CRACD: variants seen among roughly 807,000 people sequenced by gnomAD.
CRACD encodes the protein capping protein-inhibiting regulator of actin dynamics.
CRACD carries 56 observed loss-of-function variants against 106.8 expected under a neutral mutation model. The observed-to-expected ratio is 0.52, with a 90% CI of 0.42 to 0.66. The LOEUF (loss-of-function observed/expected upper bound fraction) is 0.66. Ranked by LOEUF, CRACD falls within the 30% of genes least tolerant of loss-of-function variation. The pLI is 0.00. For synonymous variants in CRACD, 754 were observed against 670.8 expected, an observed-to-expected ratio of 1.12 and a Z score of -1.92; for missense variants, 1,730 against 1,623.2, an observed-to-expected ratio of 1.07 and a Z score of -1.13.
At chr4:56,282,523 A>T (rs1244699683) in intron 3 of CRACD, among the ~76,000 whole-genome samples, 1 of 152,236 alleles carries the variant, frequency 6.6e-6, no homozygotes, top group Non-Finnish European at 1.5e-5. Context: ...AACTACTAGC[A>T]TCTTCAACAG....
intron 8 of CRACD, among the ~76,000 whole-genome samples, chr4:56,317,995 A>G (rs59161426): frequency 0.05 from 7,586 of 152,202 alleles, 307 homozygotes; most frequent in East Asian, 0.2. Context: ...CACATTTCCC[A>G]GAGAAATTGT....
At position 56,315,365 on chromosome 4, in the gene CRACD, C is replaced by T. The variant is rs1319950850; in HGVS notation, c.1863C>T (p.Leu621=). ...SQIKDTACKS[L]LGLEEKKHAE... is the part of the protein sequence containing the mutation. Reference sequence around the variant, plus strand: ...TCAAGGACACCGCGTGCAAGTCCCTCCTGGGCTTGGAGGAGAAGAAGCACG... The same window carrying T: ...TCAAGGACACCGCGTGCAAGTCCCTTCTGGGCTTGGAGGAGAAGAAGCACG... The change falls in exon 8 of 11, where the codon CTC becomes CTT. Residue 621 remains leucine (L), a synonymous_variant. Transcript: ENST00000682029. This position sits in a 1 kb window ranked among gnomAD's most constrained non-coding sequence, Gnocchi z 4.1. 6.8e-6 allele frequency: 11 copies of T among 1,613,496 alleles called. No individual in the cohort carries two copies. The highest frequency in any genetic ancestry group is 2.7e-5 in the African/African-American group (2 of 74,926).
chr4:56,227,803 A>G (rs1739386263), intron 2 of CRACD, among the ~76,000 whole-genome samples: 1 of 152,214 alleles, frequency 6.6e-6, no homozygotes, highest in South Asian at 2.1e-4. Flanking sequence ...CAAGTGTGTT[A>G]TATCTGGCAA....
chr4:56,160,579 A>G (rs887972912), intron 1 of CRACD, among the ~76,000 whole-genome samples: 7 of 152,332 alleles, frequency 4.6e-5, no homozygotes, highest in East Asian at 1.9e-4. Flanking sequence ...TGCATGATGG[A>G]TCATTAAGGC....
At chr4:56,194,247 A>G (rs1222970790) in intron 2 of CRACD, among the ~76,000 whole-genome samples, 1 of 152,200 alleles carries the variant, frequency 6.6e-6, no homozygotes, top group Non-Finnish European at 1.5e-5. Context: ...GGAAATTTCA[A>G]TCAGAAGCAA....
intron 8 of CRACD, among the ~76,000 whole-genome samples, chr4:56,319,750 G>A (rs1025123723): frequency 1.2e-4 from 19 of 152,142 alleles, no homozygotes; most frequent in African/African-American, 4.3e-4. Context: ...GGAGACCAGT[G>A]CTTTATAAAG....
intron 2 of CRACD, among the ~76,000 whole-genome samples, chr4:56,200,752 A>G (rs9312670): frequency 0.8 from 121,574 of 152,154 alleles, 49,413 homozygotes; most frequent in African/African-American, 0.95. Context: ...AAAGTGTAGA[A>G]AGTTCGCCTA....
chr4:56,153,246 T>G (rs901287340), intron 1 of CRACD, among the ~76,000 whole-genome samples: 1 of 152,150 alleles, frequency 6.6e-6, no homozygotes. Context: ...ACCACTGCAC[T>G]CCAGCCTGGG....
chr4:56,320,946 G>T, intron 8 of CRACD: 1 of 189,282 alleles, frequency 5.3e-6, no homozygotes. Context: ...ATATAAACCA[G>T]ATCTGAATTC....
At chr4:56,086,283 T>G (rs1314015926) in intron 1 of CRACD, among the ~76,000 whole-genome samples, 1 of 152,118 alleles carries the variant, frequency 6.6e-6, no homozygotes, top group Non-Finnish European at 1.5e-5. Flanking sequence ...TAGTGTTTGT[T>G]TGTTTGTTTG....
At position 56,118,739 on chromosome 4, in the gene CRACD, A is replaced by G. The variant is rs543383642; in HGVS notation, c.-335-60545A>G. Among the ~76,000 whole-genome samples, 3 of 142,528 alleles carry G rather than the reference A, an allele frequency of 2.1e-5. No individual in the cohort carries two copies. In the South Asian group the frequency reaches 7.0e-4, roughly 33 times the overall value. 93.5% of individuals were successfully genotyped at this position (142,528 alleles called of 152,430 possible). A position where few individuals can be genotyped will look rare whatever the true frequency, so the allele number is the denominator to read the frequency against. On this transcript the variant is annotated intron_variant, in intron 1 of 10. Transcript: ENST00000682029. Reference sequence around the variant, plus strand: ...CAGTAAGACCCTTTGTCTAAAATATATATAAAATAAAATAAAAATAAAGTA... The same window carrying G: ...CAGTAAGACCCTTTGTCTAAAATATGTATAAAATAAAATAAAAATAAAGTA...
chr4:56,211,815 G>A (rs1398524403), intron 2 of CRACD, among the ~76,000 whole-genome samples: 1 of 152,144 alleles, frequency 6.6e-6, no homozygotes, highest in Non-Finnish European at 1.5e-5. Flanking sequence ...GGAAGGATGG[G>A]GATTAATTAG....
At chr4:56,153,005 G>A (rs777119674) in intron 1 of CRACD, among the ~76,000 whole-genome samples, 51 of 152,266 alleles carry the variant, frequency 3.3e-4, no homozygotes, top group Non-Finnish European at 6.2e-4. Context: ...CTGGCCAGGT[G>A]CAGTGGCTCA....
chr4:56,157,207 C>T (rs1735791072), intron 1 of CRACD, among the ~76,000 whole-genome samples: 2 of 152,160 alleles, frequency 1.3e-5, no homozygotes, highest in South Asian at 4.1e-4. Context: ...AATCAAAGGG[C>T]CTGTAATCCC....
At chr4:56,238,555 AC>A (rs1740135562) in intron 2 of CRACD, among the ~76,000 whole-genome samples, 2 of 152,106 alleles carry the variant, frequency 1.3e-5, no homozygotes, top group African/African-American at 2.4e-5. Context: ...AGCATCAACA[AC>A]TCATTGTAGG....
At chr4:56,134,935 C>CT (rs368298732) in intron 1 of CRACD, among the ~76,000 whole-genome samples, 40 of 146,436 alleles carry the variant, frequency 2.7e-4, no homozygotes, top group Admixed American at 3.4e-4. Flanking sequence ...TTGATACTGG[C>CT]TTTTTTTTTT....
chr4:56,220,737 A>G (rs1208485092), intron 2 of CRACD, among the ~76,000 whole-genome samples: 1 of 152,050 alleles, frequency 6.6e-6, no homozygotes, highest in Non-Finnish European at 1.5e-5. Context: ...AAATAATAAT[A>G]TGGTACACTG....
At chr4:56,099,159 A>G (rs960210142) in intron 1 of CRACD, among the ~76,000 whole-genome samples, 2 of 152,140 alleles carry the variant, frequency 1.3e-5, no homozygotes, top group Non-Finnish European at 2.9e-5. Context: ...TATTTTGAAA[A>G]CTTTGTCTTT....
rs115007683 is a variant in CRACD at position 56,071,819 on chromosome 4, T to C, written c.-336+22520T>C. On this transcript the variant is annotated intron_variant, in intron 1 of 10. Transcript: ENST00000682029. ...AGCCACTGCGTCTGGCCAATCTCTT[T>C]TATACTTATAAAAGTTTCAGAATTG... 7.0e-3 allele frequency among the ~76,000 whole-genome samples: 1,059 copies of C among 151,804 alleles called. 11 individuals carry two copies. Among genetic ancestry groups the C allele is most frequent in the African/African-American group, 0.025 (1,022 of 41,482 alleles).
Sources: allele counts gnomAD v4.1 joint callset (sites outside exome capture counted in the v4.1 genomes callset), GRCh38; gene constraint gnomAD v4.1.1; non-coding constraint Gnocchi (gnomAD v3.1); transcripts MANE v1.5; gene names NCBI Gene and HGNC (gene_info 2026-07-23, HGNC 2026-07-21).